SLC38A6: variants seen among roughly 807,000 people sequenced by gnomAD.
SLC38A6 encodes the protein N system amino acid transporter NAT-1.
SLC38A6 carries 73 observed loss-of-function variants against 65.0 expected under a neutral mutation model. The ratio of observed to expected loss-of-function variants is 1.12; its 90% CI spans 0.93 to 1.37. SLC38A6 has a LOEUF of 1.37. Among genes scored for constraint, SLC38A6 ranks in the 40% most tolerant of loss-of-function variants. SLC38A6 has a pLI of 0.00. For synonymous variants in SLC38A6, 183 were observed against 178.8 expected (o/e 1.02, Z -0.19); for missense variants, 561 against 531.1 (o/e 1.06, Z -0.55).
At chr14:61,064,191 C>T (rs1422894969) in intron 15 of SLC38A6, among the ~76,000 whole-genome samples, 1 of 152,200 alleles carries the variant, frequency 6.6e-6, no homozygotes, top group Non-Finnish European at 1.5e-5. Context: ...TCCCAGGCCA[C>T]AGCCAGACAT....
chr14:61,010,353 CT>C (rs1227794656), intron 3 of SLC38A6, among the ~76,000 whole-genome samples: 1 of 152,096 alleles, frequency 6.6e-6, no homozygotes, highest in Non-Finnish European at 1.5e-5. Flanking sequence ...ATGGTAGTTT[CT>C]TTTGCTGTGC....
At chr14:61,001,409 T>A (rs1254954059) in intron 3 of SLC38A6, among the ~76,000 whole-genome samples, 1 of 152,236 alleles carries the variant, frequency 6.6e-6, no homozygotes, top group Non-Finnish European at 1.5e-5. Flanking sequence ...AGAAGCTGAA[T>A]TTTTTGTTAT....
Position 61,052,472 on chromosome 14 carries a change from G to T in SLC38A6, c.*43G>T. 4 of 1,524,352 alleles carry T rather than the reference G, an allele frequency of 2.6e-6. No individual in the cohort carries two copies. The highest frequency in any genetic ancestry group is 3.5e-6 in the Non-Finnish European group (4 of 1,142,780). The allele number at this position is 1,524,352 out of a possible 1,614,324, so 94.4% of individuals were successfully genotyped here. A position where few individuals can be genotyped will look rare whatever the true frequency, so the allele number is the denominator to read the frequency against. Reference sequence around the variant, plus strand: ...TTCTTACAAGAATAATATACCCCTAGTTGCAAGAATGAATTATTCCGGAAG... The same window carrying T: ...TTCTTACAAGAATAATATACCCCTATTTGCAAGAATGAATTATTCCGGAAG... On this transcript the variant is annotated 3_prime_UTR_variant, in exon 16 of 16. Coordinates refer to ENST00000267488, the MANE Select transcript of SLC38A6 (RefSeq NM_153811.3).
At chr14:60,995,234 C>G (rs948422440) in intron 3 of SLC38A6, among the ~76,000 whole-genome samples, 1 of 152,102 alleles carries the variant, frequency 6.6e-6, no homozygotes, top group Non-Finnish European at 1.5e-5. Context: ...ACCTAAGTGT[C>G]AGTAAGTGAG....
chr14:60,998,365 A>C (rs1267105995), intron 3 of SLC38A6, among the ~76,000 whole-genome samples: 1 of 152,054 alleles, frequency 6.6e-6, no homozygotes, highest in East Asian at 1.9e-4. Context: ...GAAGAGGAGC[A>C]CAGTAAAGGA....
chr14:61,016,274 CAT>C (rs2040002955), intron 4 of SLC38A6, among the ~76,000 whole-genome samples: 1 of 152,098 alleles, frequency 6.6e-6, no homozygotes, highest in South Asian at 2.1e-4. Context: ...ATTATGTACT[CAT>C]ATGAGTAAAC....
intron 3 of SLC38A6, among the ~76,000 whole-genome samples, chr14:60,999,970 G>A (rs1279200160): frequency 2.0e-5 from 3 of 152,152 alleles, no homozygotes; most frequent in Admixed American, 1.3e-4. Flanking sequence ...TCTTACAGCA[G>A]CCTTAGGAAA....
chr14:61,001,053 ATT>A (rs2038676562), intron 3 of SLC38A6, among the ~76,000 whole-genome samples: 1 of 152,168 alleles, frequency 6.6e-6, no homozygotes, highest in Non-Finnish European at 1.5e-5. Flanking sequence ...TCTAAAGTGA[ATT>A]TGTGTACTTG....
intron 15 of SLC38A6, among the ~76,000 whole-genome samples, chr14:61,072,107 A>G (rs1380003620): frequency 6.6e-6 from 1 of 151,906 alleles, no homozygotes; most frequent in Non-Finnish European, 1.5e-5. Flanking sequence ...CCTTGTCTCC[A>G]CTCCCAAGAT....
rs1281396657 is a variant in SLC38A6 at position 61,037,148 on chromosome 14, C to T, written c.565+7C>T. 7 of 1,562,830 alleles carry T rather than the reference C, an allele frequency of 4.5e-6. No individual in the cohort carries two copies. The highest frequency in any genetic ancestry group is 2.8e-5 in the African/African-American group (2 of 72,312). On this transcript the variant is annotated splice_region_variant and intron_variant, in intron 7 of 15. Coordinates refer to ENST00000267488, the MANE Select transcript of SLC38A6 (RefSeq NM_153811.3). The stretch of plus-strand genomic sequence containing the variant: ...GCACTTCTTCCCAAAATAGGTAAGT[C>T]TTTATAGAGCACATTATTTGTTTAG...
intron 5 of SLC38A6, among the ~76,000 whole-genome samples, chr14:61,020,373 G>A (rs1018530923): frequency 1.3e-5 from 2 of 152,208 alleles, no homozygotes; most frequent in East Asian, 1.9e-4. Flanking sequence ...TATAGTCAGA[G>A]GACATTTTAA....
At chr14:61,001,423 G>C (rs2038702188) in intron 3 of SLC38A6, among the ~76,000 whole-genome samples, 1 of 152,166 alleles carries the variant, frequency 6.6e-6, no homozygotes, top group South Asian at 2.1e-4. Flanking sequence ...TTGTTATTGA[G>C]TTGCAGTGAA....
intron 15 of SLC38A6, among the ~76,000 whole-genome samples, chr14:61,065,526 T>C (rs918443369): frequency 1.3e-5 from 2 of 152,206 alleles, no homozygotes; most frequent in Non-Finnish European, 2.9e-5. Context: ...CATCTACCTT[T>C]AAGAACTTTA....
Position 60,988,723 on chromosome 14 carries a change from C to G in SLC38A6, c.310+3920C>G, listed in dbSNP as rs924449725. On this transcript the variant is annotated intron_variant, in intron 3 of 15. Transcript: ENST00000267488. ...TTCTACCACCTTTGCACTGACCCCC[C>G]ACACTCATTCTTACTTCCCTCTTTA... Among the ~76,000 whole-genome samples the G allele has an allele frequency of 2.6e-5, 4 of 152,200 alleles. No homozygotes were observed. The South Asian group carries it at 8.3e-4, about 32-fold the overall frequency.
At chr14:61,052,206 A>T in intron 15 of SLC38A6, 71 bp downstream of exon 15, 1 of 1,354,264 alleles carries the variant, frequency 7.4e-7, no homozygotes, top group South Asian at 1.5e-5. Context: ...ATATTATTTT[A>T]CCTGCATCAA....
chr14:61,024,818 A>C (rs2040523412), intron 5 of SLC38A6, among the ~76,000 whole-genome samples: 1 of 152,214 alleles, frequency 6.6e-6, no homozygotes, highest in South Asian at 2.1e-4. Flanking sequence ...CAGTGAAGTC[A>C]ATTGATGTTA....
intron 3 of SLC38A6, among the ~76,000 whole-genome samples, chr14:61,005,518 A>G (rs1355354095): frequency 2.6e-5 from 4 of 151,170 alleles, no homozygotes; most frequent in African/African-American, 4.9e-5. Context: ...AAAAATCACA[A>G]GCATTCTTAT....
At chr14:61,023,812 T>C (rs2040472221) in intron 5 of SLC38A6, among the ~76,000 whole-genome samples, 1 of 152,044 alleles carries the variant, frequency 6.6e-6, no homozygotes, top group South Asian at 2.1e-4. Flanking sequence ...GATCAATATT[T>C]GTTTCATGTG....
At chr14:61,001,338 C>T (rs993251368) in intron 3 of SLC38A6, among the ~76,000 whole-genome samples, 1 of 152,160 alleles carries the variant, frequency 6.6e-6, no homozygotes, top group African/African-American at 2.4e-5. Flanking sequence ...TGTGTGCTCC[C>T]CTTGTGTAGT....
Sources: allele counts gnomAD v4.1 joint callset (sites outside exome capture counted in the v4.1 genomes callset), GRCh38; gene constraint gnomAD v4.1.1; transcripts MANE v1.5; gene names NCBI Gene and HGNC (gene_info 2026-07-23, HGNC 2026-07-21).